The following CADM2 variants were observed in gnomAD, a reference collection of about 807,000 sequenced individuals.
CADM2 encodes immunoglobulin superfamily member 4D.
CADM2 carries 12 observed loss-of-function variants against 49.8 expected under a neutral mutation model. The ratio of observed to expected loss-of-function variants is 0.24; its 90% CI spans 0.15 to 0.39. The LOEUF is 0.39. Among genes scored for constraint, CADM2 ranks in the 10% least tolerant of loss-of-function variants. The pLI, the probability that CADM2 is intolerant of heterozygous loss-of-function variation, is 1.00. For missense variants in CADM2, 378 were observed against 492.3 expected, an observed-to-expected ratio of 0.77 and a Z score of 2.20; for synonymous variants, 214 against 175.4, an observed-to-expected ratio of 1.22 and a Z score of -1.74.
chr3:85,151,973 A>T (rs2039936088), intron 1 of CADM2, among the ~76,000 whole-genome samples: 1 of 152,200 alleles, frequency 6.6e-6, no homozygotes, highest in Admixed American at 6.5e-5. Context: ...ACTTTAAGAA[A>T]AAAGGTTATT....
intron 5 of CADM2, among the ~76,000 whole-genome samples, chr3:85,894,060 C>A (rs13085427): frequency 4.0e-5 from 6 of 151,828 alleles, no homozygotes; most frequent in Admixed American, 6.6e-5. Context: ...ATGTTTATTG[C>A]GGCACTATTC....
intron 1 of CADM2, among the ~76,000 whole-genome samples, chr3:85,376,406 T>A (rs892890745): frequency 6.6e-6 from 1 of 152,078 alleles, no homozygotes; most frequent in Non-Finnish European, 1.5e-5. Context: ...CATCATTTTA[T>A]TAATCTCATT....
intron 1 of CADM2, among the ~76,000 whole-genome samples, chr3:85,199,043 C>G (rs975252855): frequency 6.6e-6 from 1 of 151,854 alleles, no homozygotes; most frequent in Non-Finnish European, 1.5e-5. Context: ...AATTTAACTT[C>G]TATTAGATTT....
chr3:86,016,940 G>A (rs1412750899), intron 8 of CADM2, among the ~76,000 whole-genome samples: 1 of 151,762 alleles, frequency 6.6e-6, no homozygotes, highest in Non-Finnish European at 1.5e-5. Context: ...TTAAAAATCT[G>A]AACTTTGAGA....
At chr3:85,080,003 T>G (rs1254930196) in intron 1 of CADM2, among the ~76,000 whole-genome samples, 4 of 151,930 alleles carry the variant, frequency 2.6e-5, no homozygotes, top group African/African-American at 9.7e-5. Flanking sequence ...AAAATAAACT[T>G]TAGAGGTAAT....
chr3:85,032,840 G>A (rs1448785859), intron 1 of CADM2, among the ~76,000 whole-genome samples: 2 of 151,922 alleles, frequency 1.3e-5, no homozygotes, highest in African/African-American at 4.8e-5. Context: ...TGACATCAGT[G>A]GCCTTCCTTC....
intron 2 of CADM2, among the ~76,000 whole-genome samples, chr3:85,729,459 C>T (rs1008473495): frequency 1.3e-5 from 2 of 149,440 alleles, no homozygotes; most frequent in African/African-American, 5.0e-5. Flanking sequence ...AGTCGAGTTG[C>T]TTCTCAGAAA....
At chr3:85,855,583 A>AC (rs1375911130) in intron 3 of CADM2, among the ~76,000 whole-genome samples, 2 of 121,114 alleles carry the variant, frequency 1.7e-5, no homozygotes, top group African/African-American at 6.9e-5. Context: ...ATATATAAAA[A>AC]ACATATATAT....
rs554637465 is a variant in CADM2 at position 85,159,974 on chromosome 3, TAA to T, written c.61+200307_61+200308del. Among the ~76,000 whole-genome samples the T allele has an allele frequency of 8.4e-4, 128 of 152,286 alleles. 1 individual carries two copies. In the South Asian group the frequency reaches 0.017, roughly 20 times the overall value. On this transcript the variant is annotated intron_variant, in intron 1 of 9. Coordinates refer to ENST00000383699, the MANE Select transcript of CADM2 (RefSeq NM_001167675.2). The stretch of plus-strand genomic sequence containing the variant: ...TAATTTGAAATTTTTTGCAGCAATA[TAA>T]GTTTGTTTTTAATAATGTTTTATGA...
chr3:84,960,756 G>C (rs1156271056), intron 1 of CADM2, among the ~76,000 whole-genome samples: 1 of 152,140 alleles, frequency 6.6e-6, no homozygotes, highest in African/African-American at 2.4e-5. Flanking sequence ...TTGGAGGAGG[G>C]AGTGAGGGGG....
rs371490378 is a variant in CADM2, at chr3:85,815,598, AAAT to A, written c.238+13408_238+13410del. On this transcript the variant is annotated intron_variant, in intron 3 of 9. Transcript: ENST00000383699. The stretch of plus-strand genomic sequence containing the variant: ...CTATGTATTGATAGAACATATCTCA[AAAT>A]AATAAGAGCTATTTATGACAAACCC... 3.2e-3 allele frequency among the ~76,000 whole-genome samples: 486 copies of A among 152,298 alleles called. 1 individual carries two copies. The highest frequency in any genetic ancestry group is 0.011 in the African/African-American group (469 of 41,556).
intron 1 of CADM2, among the ~76,000 whole-genome samples, chr3:85,443,207 A>G (rs2037292126): frequency 6.6e-6 from 1 of 152,134 alleles, no homozygotes; most frequent in Admixed American, 6.6e-5. Flanking sequence ...TGTTTCTTTT[A>G]ATTAAATTAT....
At chr3:85,507,185 T>TA (rs2107678097) in intron 1 of CADM2, among the ~76,000 whole-genome samples, 1 of 149,838 alleles carries the variant, frequency 6.7e-6, no homozygotes, top group Non-Finnish European at 1.5e-5. Context: ...CCAGTGTATT[T>TA]TTTTTTTTTT....
intron 1 of CADM2, among the ~76,000 whole-genome samples, chr3:85,444,134 T>C (rs751793346): frequency 6.6e-6 from 1 of 152,168 alleles, no homozygotes; most frequent in Non-Finnish European, 1.5e-5. Context: ...TTTCTGATTA[T>C]ATTTTAGCAC....
intron 1 of CADM2, among the ~76,000 whole-genome samples, chr3:85,567,491 G>A (rs1222105083): frequency 6.6e-6 from 1 of 151,982 alleles, no homozygotes; most frequent in Admixed American, 6.6e-5. Context: ...CCCTACAATT[G>A]GATTACATAA....
chr3:85,536,846 G>C (rs952772573), intron 1 of CADM2, among the ~76,000 whole-genome samples: 1 of 151,694 alleles, frequency 6.6e-6, no homozygotes, highest in South Asian at 2.1e-4. Flanking sequence ...AAATAGCTTT[G>C]CTCCCTGTGG....
chr3:85,413,964 A>C (rs2035796225), intron 1 of CADM2, among the ~76,000 whole-genome samples: 1 of 152,098 alleles, frequency 6.6e-6, no homozygotes, highest in African/African-American at 2.4e-5. Context: ...TCCAGGGTTC[A>C]AGCGATTCTT....
In CADM2 at chr3:85,489,804, T is replaced by TGAGA. The variant is rs147571752; in HGVS notation, c.62-236717_62-236716insAGAG. On this transcript the variant is annotated intron_variant, in intron 1 of 9. Coordinates refer to ENST00000383699, the MANE Select transcript of CADM2 (RefSeq NM_001167675.2). ...ATTATTTAACGTGTGTGTGTGTGTG[T>TGAGA]GTGAGAGAGAGAGAGAGAGAGAGCA... Among the ~76,000 whole-genome samples the TGAGA allele has an allele frequency of 8.9e-4, 131 of 146,848 alleles. 1 individual carries two copies. The highest frequency in any genetic ancestry group is 2.9e-3 in the Admixed American group (42 of 14,560).
chr3:85,583,039 A>G (rs924014156), intron 1 of CADM2, among the ~76,000 whole-genome samples: 3 of 152,182 alleles, frequency 2.0e-5, no homozygotes, highest in African/African-American at 7.2e-5. Context: ...CCTGGTGTAT[A>G]GGAAGTGCTG....
Sources: gnomAD v4.1 joint callset for allele counts (sites outside exome capture counted in the v4.1 genomes callset) on GRCh38, gnomAD v4.1.1 for gene constraint, MANE v1.5 for transcripts, NCBI Gene and HGNC (gene_info 2026-07-23, HGNC 2026-07-21) for gene names.